The following HIP1 variants were observed in gnomAD, a reference collection of about 807,000 sequenced individuals.
The protein encoded by HIP1 is huntingtin-interacting protein 1.
HIP1 carries 65 observed loss-of-function variants against 147.6 expected under a neutral mutation model. The ratio of observed to expected loss-of-function variants is 0.44; its 90% CI spans 0.36 to 0.54. The LOEUF is 0.54. Ranked by LOEUF, HIP1 falls within the 20% of genes least tolerant of loss-of-function variation. The probability of loss-of-function intolerance (pLI) is 0.00; values close to 1 mark genes in which losing one functional copy is unlikely to be tolerated. For missense variants in HIP1, 1,061 were observed against 1,299.6 expected (o/e 0.82, Z 2.82); for synonymous variants, 479 against 504.0 (o/e 0.95, Z 0.67).
intron 1 of HIP1, among the ~76,000 whole-genome samples, chr7:75,691,557 G>C (rs548165183): frequency 1.3e-5 from 2 of 151,978 alleles, no homozygotes; most frequent in Admixed American, 1.3e-4. Context: ...CCAGCACTTT[G>C]GGAGGCTGAG....
intron 30 of HIP1, among the ~76,000 whole-genome samples, chr7:75,538,854 G>A (rs989069504): frequency 2.0e-5 from 3 of 152,052 alleles, no homozygotes; most frequent in South Asian, 2.1e-4. Flanking sequence ...GATTATAGGC[G>A]TGAGCCACCA....
rs117388086 is a variant in HIP1, at chr7:75,714,766, C to A, written c.120+24035G>T. On this transcript the variant is annotated intron_variant, in intron 1 of 30. Coordinates refer to ENST00000336926, the MANE Select transcript of HIP1 (RefSeq NM_005338.7). Reference sequence around the variant, plus strand: ...CCGTGCCCGACCTAACTAACATCTTCTATAACCATGGAAGAGTCACTGAAA... The same window carrying A: ...CCGTGCCCGACCTAACTAACATCTTATATAACCATGGAAGAGTCACTGAAA... Among the ~76,000 whole-genome samples the A allele has an allele frequency of 8.3e-3, 1,270 of 152,272 alleles. 11 individuals are homozygous for A. Among genetic ancestry groups the A allele is most frequent in the Middle Eastern group, 0.017 (5 of 294 alleles).
intron 1 of HIP1, among the ~76,000 whole-genome samples, chr7:75,716,445 A>G (rs1584974398): frequency 1.4e-5 from 2 of 145,398 alleles, no homozygotes; most frequent in Admixed American, 1.4e-4. Flanking sequence ...CTGGTCTTGA[A>G]CTCCTGAGCT....
chr7:75,671,923 T>G (rs1165704539), intron 1 of HIP1, among the ~76,000 whole-genome samples: 7 of 152,028 alleles, frequency 4.6e-5, no homozygotes, highest in African/African-American at 1.7e-4. Context: ...TCAGTAGAGA[T>G]AGATTTTCAC....
intron 1 of HIP1, among the ~76,000 whole-genome samples, chr7:75,647,211 CAAAAAAAAAAAAAAAAAAAA>C (rs60972195): frequency 1.1e-3 from 66 of 58,004 alleles, no homozygotes; most frequent in African/African-American, 3.7e-3. Flanking sequence ...ACTAAAAATA[CAAAAAAAAAAAAAAAAAAAA>C]AAAAAAAAAA....
At chr7:75,616,756 C>T (rs1227750060) in intron 1 of HIP1, among the ~76,000 whole-genome samples, 2 of 152,218 alleles carry the variant, frequency 1.3e-5, no homozygotes, top group Non-Finnish European at 2.9e-5. Context: ...GATGTCCACA[C>T]ATACAGAGGC....
intron 1 of HIP1, among the ~76,000 whole-genome samples, chr7:75,644,624 GAAA>G (rs1166987106): frequency 6.6e-6 from 1 of 151,700 alleles, no homozygotes; most frequent in Non-Finnish European, 1.5e-5. Context: ...TTAAACGTAA[GAAA>G]AAAAAGAATA....
chr7:75,613,941 G>T (rs1584881469), intron 1 of HIP1, among the ~76,000 whole-genome samples: 1 of 138,448 alleles, frequency 7.2e-6, no homozygotes, highest in Admixed American at 7.3e-5. Context: ...CCTAGGCAGG[G>T]TCTCCCTCTG....
chr7:75,681,509 T>G lies in HIP1; in HGVS notation c.120+57292A>C, dbSNP rs1371881018. On this transcript the variant is annotated intron_variant, in intron 1 of 30. Transcript: ENST00000336926. The stretch of plus-strand genomic sequence containing the variant: ...ACCACAGCACCTGCTTTTTTTTTTT[T>G]TTTTTTTTTTTTTTTGAGACAGGGT... 7.8e-3 allele frequency among the ~76,000 whole-genome samples: 887 copies of G among 113,560 alleles called. 18 individuals are homozygous for G. Among genetic ancestry groups the G allele is most frequent in the African/African-American group, 0.024 (786 of 33,364 alleles). 74.5% of individuals were successfully genotyped at this position (113,560 alleles called of 152,430 possible).
intron 1 of HIP1, among the ~76,000 whole-genome samples, chr7:75,688,196 A>G (rs1800328428): frequency 1.3e-5 from 2 of 151,856 alleles, no homozygotes; most frequent in Non-Finnish European, 2.9e-5. Flanking sequence ...CACACCACCA[A>G]CACCCCTCCG....
At chr7:75,638,627 T>G (rs1798524521) in intron 1 of HIP1, among the ~76,000 whole-genome samples, 1 of 151,228 alleles carries the variant, frequency 6.6e-6, no homozygotes, top group South Asian at 2.1e-4. Flanking sequence ...CAGCGCCACC[T>G]GTGCCTCCCT....
intron 1 of HIP1, among the ~76,000 whole-genome samples, chr7:75,664,183 TAC>T (rs1799453462): frequency 2.0e-5 from 2 of 101,200 alleles, no homozygotes; most frequent in South Asian, 5.7e-4. Flanking sequence ...TATATGTACA[TAC>T]ATATATACAC....
chr7:75,690,457 C>T (rs1031228084), intron 1 of HIP1, among the ~76,000 whole-genome samples: 17 of 152,146 alleles, frequency 1.1e-4, no homozygotes, highest in South Asian at 2.1e-4. Flanking sequence ...TTTTTAAAAA[C>T]AGAAAATAAC....
At chr7:75,570,294 C>CTT (rs782607899) in intron 8 of HIP1, among the ~76,000 whole-genome samples, 5 of 135,184 alleles carry the variant, frequency 3.7e-5, no homozygotes, top group Non-Finnish European at 4.8e-5. Context: ...TGACACGTTT[C>CTT]TTTTTTTTTT....
At position 75,544,777 on chromosome 7, in the gene HIP1, T is replaced by C. The variant is rs1794480302; in HGVS notation, c.2684A>G (p.Gln895Arg). 6.2e-7 allele frequency: 1 copy of C among 1,612,794 alleles called. No homozygotes were observed. Among genetic ancestry groups the C allele is most frequent in the Non-Finnish European group, 8.5e-7 (1 of 1,178,750 alleles). ...TAGCTCCTCAAATTTCCCTCTGCCTTGTACCACCAGATCAGCTGCATCCCT... is the reference window on the plus strand; with the variant it reads ...TAGCTCCTCAAATTTCCCTCTGCCTCGTACCACCAGATCAGCTGCATCCCT... ...VMVDAADLVV[Q>R]GRGKFEELMV... The change falls in exon 27 of 31, where the codon CAA becomes CGA. Residue 895 changes from glutamine (Q) to arginine (R), a missense_variant. By Grantham distance (43) the Gln-to-Arg change is conservative. This residue lies in a region of HIP1 where 810 missense variants were observed against 946.8 expected (regional missense o/e 0.86). Transcript: ENST00000336926.
chr7:75,653,264 G>A (rs985084812), intron 1 of HIP1, among the ~76,000 whole-genome samples: 2 of 152,056 alleles, frequency 1.3e-5, no homozygotes, highest in Non-Finnish European at 2.9e-5. Flanking sequence ...ATGTGTCCAC[G>A]ACTGTCAGAT....
chr7:75,675,143 T>A (rs1363773013), intron 1 of HIP1, among the ~76,000 whole-genome samples: 1 of 152,092 alleles, frequency 6.6e-6, no homozygotes, highest in Non-Finnish European at 1.5e-5. Context: ...GACTGAATAA[T>A]CTCAATTGGC....
At chr7:75,711,218 T>C (rs1801158077) in intron 1 of HIP1, among the ~76,000 whole-genome samples, 1 of 152,210 alleles carries the variant, frequency 6.6e-6, no homozygotes, top group South Asian at 2.1e-4. Flanking sequence ...AATGTCCTAA[T>C]TTGTGGGTAA....
intron 15 of HIP1, 64 bp downstream of exon 15, chr7:75,558,103 C>T: frequency 7.2e-7 from 1 of 1,387,582 alleles, no homozygotes; most frequent in South Asian, 1.2e-5. Flanking sequence ...AGCCACAGGC[C>T]TGAGCCGCTC....
Sources: gnomAD v4.1 joint callset for allele counts (sites outside exome capture counted in the v4.1 genomes callset) on GRCh38, gnomAD v4.1.1 for gene constraint, gnomAD v4.1.1 regional missense constraint, MANE v1.5 for transcripts, NCBI Gene and HGNC (gene_info 2026-07-23, HGNC 2026-07-21) for gene names.